Variants in ANK3 observed in about 807,000 individuals in gnomAD.
ANK3 encodes the protein ankyrin 3.
Under a neutral mutation model 370.9 loss-of-function variants are expected in ANK3, and 57 were observed. That is an observed-to-expected ratio of 0.15 (90% CI 0.12 to 0.19). The LOEUF is 0.19. Among genes scored for constraint, ANK3 ranks in the 10% least tolerant of loss-of-function variants. The pLI, the probability that ANK3 is intolerant of heterozygous loss-of-function variation, is 1.00. For missense variants in ANK3, 4,439 were observed against 5,302.1 expected (o/e 0.84, Z 5.06); for synonymous variants, 1,929 against 1,946.3 (o/e 0.99, Z 0.23).
intron 1 of ANK3, among the ~76,000 whole-genome samples, chr10:60,668,307 G>T (rs2079024264): frequency 6.6e-6 from 1 of 151,374 alleles, no homozygotes; most frequent in African/African-American, 2.5e-5. Context: ...CTTCCATAGA[G>T]AAGGTGCCCC....
rs903042622 is a variant in ANK3 at position 60,029,058 on chromosome 10, C to G, written c.*788G>C. The G allele has an allele frequency of 3.3e-5, 5 of 152,532 alleles. No homozygotes were observed. Among genetic ancestry groups the G allele is most frequent in the Admixed American group, 2.0e-4 (3 of 15,278 alleles). The allele number at this position is 152,532 out of a possible 1,614,324, so 9.4% of individuals were successfully genotyped here. Reference sequence around the variant, plus strand: ...GTATTCTGAAGAAAAAAATTTTTCACAGAACTACAGAATTCCTCATTTTGG... The same window carrying G: ...GTATTCTGAAGAAAAAAATTTTTCAGAGAACTACAGAATTCCTCATTTTGG... On this transcript the variant is annotated 3_prime_UTR_variant, in exon 44 of 44. Transcript: ENST00000280772.
At chr10:60,065,686 C>G (rs1054454844) in intron 38 of ANK3, among the ~76,000 whole-genome samples, 3 of 152,170 alleles carry the variant, frequency 2.0e-5, no homozygotes, top group African/African-American at 7.2e-5. Flanking sequence ...GTTAGAAATA[C>G]ATTATATATC....
intron 7 of ANK3, among the ~76,000 whole-genome samples, chr10:60,242,589 C>T (rs2097483118): frequency 1.3e-5 from 2 of 152,136 alleles, no homozygotes; most frequent in African/African-American, 4.8e-5. Flanking sequence ...CAAGGCCCCA[C>T]TCTCACTCTT....
intron 1 of ANK3, among the ~76,000 whole-genome samples, chr10:60,653,502 A>G (rs1254340474): frequency 4.6e-5 from 7 of 152,120 alleles, no homozygotes; most frequent in Non-Finnish European, 8.8e-5. Context: ...TGTTCCACTG[A>G]TGCATGTATC....
At chr10:60,585,545 C>T (rs2077819068) in intron 2 of ANK3, among the ~76,000 whole-genome samples, 1 of 152,132 alleles carries the variant, frequency 6.6e-6, no homozygotes, top group Admixed American at 6.5e-5. Flanking sequence ...TAAGAATACG[C>T]CCTTCTCCCT....
chr10:60,631,115 G>A (rs1456075680), intron 1 of ANK3, among the ~76,000 whole-genome samples: 1 of 152,160 alleles, frequency 6.6e-6, no homozygotes, highest in African/African-American at 2.4e-5. Context: ...GAATTATGAA[G>A]AGGTGAACAG....
intron 2 of ANK3, among the ~76,000 whole-genome samples, chr10:60,399,633 G>A (rs970788358): frequency 3.3e-5 from 5 of 152,138 alleles, no homozygotes; most frequent in African/African-American, 4.8e-5. Context: ...GCAAGGAGCC[G>A]CTACAGTTAC....
At chr10:60,425,352 GACAAA>G (rs2063861132) in intron 2 of ANK3, among the ~76,000 whole-genome samples, 3 of 152,230 alleles carry the variant, frequency 2.0e-5, no homozygotes, top group African/African-American at 7.2e-5. Flanking sequence ...CTACTACATT[GACAAA>G]ACTATAAAAT....
At chr10:60,108,792 T>A (rs972555057) in intron 27 of ANK3, 38 bp downstream of exon 27, 1 of 1,567,664 alleles carries the variant, frequency 6.4e-7, no homozygotes, top group South Asian at 1.1e-5. Context: ...CAAAGATGCA[T>A]TGTGAGGGCC....
rs544612317 is a variant in ANK3 at position 60,716,513 on chromosome 10, A to T, written c.57+16750T>A. 1.2e-3 allele frequency among the ~76,000 whole-genome samples: 181 copies of T among 149,754 alleles called. 1 individual carries two copies. Among genetic ancestry groups the T allele is most frequent in the African/African-American group, 4.2e-3 (168 of 40,232 alleles). On this transcript the variant is annotated intron_variant, in intron 1 of 43. Coordinates refer to the ANK3 transcript ENST00000373827. ...TCTCTTACAATCTCACACTCAATTT[A>T]AAAAAAAAATTTAGGCAATTTAAGA...
chr10:60,075,814 A>T lies in ANK3; in HGVS notation c.5067T>A (p.Ile1689=). 6.2e-7 allele frequency: 1 copy of T among 1,614,166 alleles called. No homozygotes were observed. Among genetic ancestry groups the T allele is most frequent in the Non-Finnish European group, 8.5e-7 (1 of 1,180,004 alleles). ...ATGCCATTGTAATTTTGGCTGATGAAATGACATCAACTGCTGATTTAACTG... is the reference window on the plus strand; with the variant it reads ...ATGCCATTGTAATTTTGGCTGATGATATGACATCAACTGCTGATTTAACTG... The part of the protein sequence containing the change: ...VSPVKSAVDV[I]SSAKITMASS... The change falls in exon 37 of 44, where the codon ATT becomes ATA. Residue 1689 remains isoleucine, a synonymous_variant. Coordinates refer to ENST00000280772, the MANE Select transcript of ANK3 (RefSeq NM_020987.5).
At chr10:60,263,068 G>A (rs1181708310) in intron 6 of ANK3, among the ~76,000 whole-genome samples, 1 of 152,146 alleles carries the variant, frequency 6.6e-6, no homozygotes, top group Non-Finnish European at 1.5e-5. Flanking sequence ...GCAGCACTAA[G>A]TCATGGGAAA....
chr10:60,083,142 C>A (rs1483614689), intron 33 of ANK3, among the ~76,000 whole-genome samples: 3 of 152,284 alleles, frequency 2.0e-5, no homozygotes, highest in East Asian at 3.9e-4. Context: ...TGGGCTCCAC[C>A]AGAAATGAAA....
rs1171160644 is a variant in ANK3 at position 60,260,859 on chromosome 10, C to T, written c.798+1000G>A. 2.6e-5 allele frequency among the ~76,000 whole-genome samples: 4 copies of T among 152,056 alleles called. No homozygotes were observed. The South Asian group carries it at 8.3e-4, about 32-fold the overall frequency. ...CCAGTATCATGCTTCCTGTACAGCC[C>T]GCAGAACCAGGAGCCAACTGAACCT... On this transcript the variant is annotated intron_variant, in intron 7 of 43. Coordinates refer to ENST00000280772, the MANE Select transcript of ANK3 (RefSeq NM_020987.5).
At chr10:60,388,374 G>A (rs2062709386) in intron 1 of ANK3, among the ~76,000 whole-genome samples, 1 of 152,128 alleles carries the variant, frequency 6.6e-6, no homozygotes, top group Admixed American at 6.5e-5. Flanking sequence ...CTGAAGAGGG[G>A]TACATGTGGG....
intron 2 of ANK3, among the ~76,000 whole-genome samples, chr10:60,406,024 G>A (rs1435234036): frequency 2.0e-5 from 3 of 152,272 alleles, no homozygotes; most frequent in East Asian, 3.9e-4. Context: ...GACAAGGCCA[G>A]CAACATTATC....
At position 60,075,907 on chromosome 10, in the gene ANK3, C is replaced by T. The variant is rs1336718164; in HGVS notation, c.4974G>A (p.Leu1658=). ...KSNINMYSSS[L]PFKSIITSAA... is the part of the protein sequence containing the mutation. ...CTGATGTAATAATTGACTTAAATGG[C>T]AAACTTGAGGAATACATATTAATGT... is the stretch of plus-strand genomic sequence containing the variant. The change falls in exon 37 of 44, where the codon TTG becomes TTA. Residue 1658 remains leucine, a synonymous_variant. Transcript: ENST00000280772. 1 of 1,613,922 alleles carries T rather than the reference C, an allele frequency of 6.2e-7. No individual in the cohort carries two copies. The highest frequency in any genetic ancestry group is 8.5e-7 in the Non-Finnish European group (1 of 1,180,004).
intron 8 of ANK3, among the ~76,000 whole-genome samples, chr10:60,217,179 G>C (rs1334040749): frequency 1.3e-5 from 2 of 151,870 alleles, no homozygotes; most frequent in African/African-American, 4.8e-5. Flanking sequence ...TTTAGCTAGT[G>C]GTCTATCCAT....
intron 2 of ANK3, among the ~76,000 whole-genome samples, chr10:60,553,201 A>T (rs1174110803): frequency 6.6e-6 from 1 of 152,186 alleles, no homozygotes; most frequent in African/African-American, 2.4e-5. Flanking sequence ...GCAAGAGAGA[A>T]GATACTAGGC....
Sources: allele counts gnomAD v4.1 joint callset (sites outside exome capture counted in the v4.1 genomes callset), GRCh38; gene constraint gnomAD v4.1.1; transcripts MANE v1.5; gene names NCBI Gene and HGNC (gene_info 2026-07-23, HGNC 2026-07-21).